Variants in LRCH1 observed in about 807,000 individuals in gnomAD.
The protein encoded by LRCH1 is leucine rich repeats and calponin homology domain containing 1, also known as leucine-rich repeat and calponin homology domain-containing protein 1.
A neutral mutation model predicts 94.9 loss-of-function variants in LRCH1; 23 were observed. That is an observed-to-expected ratio of 0.24 (90% CI 0.17 to 0.34). The LOEUF is 0.34. Among genes scored for constraint, LRCH1 ranks in the 10% least tolerant of loss-of-function variants. The probability of loss-of-function intolerance (pLI) is 1.00; values close to 1 mark genes in which losing one functional copy is unlikely to be tolerated. For synonymous variants in LRCH1, 364 were observed against 354.9 expected (o/e 1.03, Z -0.29); for missense variants, 790 against 945.9 (o/e 0.84, Z 2.16).
At chr13:46,605,048 A>G (rs2050672725) in intron 1 of LRCH1, among the ~76,000 whole-genome samples, 1 of 152,192 alleles carries the variant, frequency 6.6e-6, no homozygotes, top group African/African-American at 2.4e-5. Flanking sequence ...TGACCCATTA[A>G]TCCCTTTGTG....
intron 1 of LRCH1, among the ~76,000 whole-genome samples, chr13:46,569,217 T>TTAGC (rs1468768364): frequency 6.6e-6 from 1 of 152,222 alleles, no homozygotes; most frequent in African/African-American, 2.4e-5. Flanking sequence ...TGGAATGATG[T>TTAGC]TAGCTAATGG....
chr13:46,621,454 A>G (rs2138023908), intron 1 of LRCH1, among the ~76,000 whole-genome samples: 1 of 152,334 alleles, frequency 6.6e-6, no homozygotes, highest in Middle Eastern at 3.4e-3. Context: ...CTGGGGCAGC[A>G]GAAAACAAGA....
intron 2 of LRCH1, 31 bp downstream of exon 2, chr13:46,650,376 T>G (rs1398269822): frequency 3.9e-6 from 6 of 1,533,256 alleles, no homozygotes; most frequent in African/African-American, 2.8e-5. Context: ...GTAATCAAAT[T>G]CAGTGAAAGA....
intron 1 of LRCH1, among the ~76,000 whole-genome samples, chr13:46,600,654 C>CACACACACACACACACAG (rs138619869): frequency 6.6e-6 from 1 of 151,158 alleles, no homozygotes; most frequent in Non-Finnish European, 1.5e-5. Context: ...CACACACACA[C>CACACACACACACACACAG]AGAACCTGAA....
Position 46,742,708 on chromosome 13 carries a change from A to G in LRCH1, c.*860A>G, listed in dbSNP as rs1271292773. The G allele has an allele frequency of 5.1e-6, 5 of 985,294 alleles. No homozygotes were observed. Among genetic ancestry groups the G allele is most frequent in the Non-Finnish European group, 6.0e-6 (5 of 829,932 alleles). 61.0% of individuals were successfully genotyped at this position (985,294 alleles called of 1,614,324 possible). On this transcript the variant is annotated 3_prime_UTR_variant, in exon 20 of 20. Transcript: ENST00000389797. ...GATCACTGCTTTTTTGCCACATCAC[A>G]TAGTAACTGCCGGTCCAGAATGTGA... is the stretch of plus-strand genomic sequence containing the variant.
At chr13:46,718,506 C>A (rs1347964101) in intron 16 of LRCH1, among the ~76,000 whole-genome samples, 1 of 152,178 alleles carries the variant, frequency 6.6e-6, no homozygotes, top group Non-Finnish European at 1.5e-5. Flanking sequence ...AGCATTGAGT[C>A]TAAGCACTGG....
At chr13:46,582,149 CAA>C (rs11387752) in intron 1 of LRCH1, among the ~76,000 whole-genome samples, 2 of 104,592 alleles carry the variant, frequency 1.9e-5, no homozygotes. Flanking sequence ...GACTCCATCT[CAA>C]AAAAAAAAAA....
At chr13:46,626,942 A>C (rs2050957823) in intron 1 of LRCH1, among the ~76,000 whole-genome samples, 1 of 152,164 alleles carries the variant, frequency 6.6e-6, no homozygotes, top group African/African-American at 2.4e-5. Context: ...AGGTAGTGTT[A>C]ATTTCCTTTA....
chr13:46,745,614 T>A (rs1873879000), downstream of LRCH1, among the ~76,000 whole-genome samples: 1 of 152,034 alleles, frequency 6.6e-6, no homozygotes, highest in South Asian at 2.1e-4. Flanking sequence ...CAACAAGAAA[T>A]CTCTGTAAGA....
chr13:46,626,288 C>T (rs2050948627), intron 1 of LRCH1, among the ~76,000 whole-genome samples: 1 of 152,040 alleles, frequency 6.6e-6, no homozygotes, highest in Admixed American at 6.6e-5. Flanking sequence ...GTGTCAGACC[C>T]CGAGCCCAAG....
chr13:46,581,270 C>G (rs1362487474), intron 1 of LRCH1, among the ~76,000 whole-genome samples: 7 of 152,180 alleles, frequency 4.6e-5, no homozygotes, highest in Admixed American at 4.6e-4. Flanking sequence ...CCTCAGCCCC[C>G]TAGACCTCTG....
chr13:46,721,929 A>G (rs1478792068), intron 16 of LRCH1, among the ~76,000 whole-genome samples: 2 of 152,240 alleles, frequency 1.3e-5, no homozygotes, highest in Non-Finnish European at 2.9e-5. Context: ...TGAGAAGGAG[A>G]ATGCATGTTC....
intron 8 of LRCH1, among the ~76,000 whole-genome samples, chr13:46,694,408 G>T (rs1871067964): frequency 6.6e-6 from 1 of 152,118 alleles, no homozygotes; most frequent in Non-Finnish European, 1.5e-5. Flanking sequence ...ATGATTTGGG[G>T]CTCTTGCCTA....
intron 2 of LRCH1, among the ~76,000 whole-genome samples, chr13:46,666,054 G>T (rs1251852326): frequency 6.6e-6 from 1 of 152,168 alleles, no homozygotes; most frequent in Non-Finnish European, 1.5e-5. Context: ...TGAAGTAGAG[G>T]CTGAGGGAGC....
chr13:46,681,510 C>T (rs897181975), intron 3 of LRCH1, among the ~76,000 whole-genome samples: 2 of 152,072 alleles, frequency 1.3e-5, no homozygotes, highest in African/African-American at 2.4e-5. Context: ...AAGCAGCTGG[C>T]GAATGCTACT....
chr13:46,620,355 C>T (rs375298043), intron 1 of LRCH1, among the ~76,000 whole-genome samples: 1 of 151,118 alleles, frequency 6.6e-6, no homozygotes, highest in African/African-American at 2.4e-5. Context: ...ACAGTAAGAA[C>T]CTGTCTCAAA....
intron 1 of LRCH1, among the ~76,000 whole-genome samples, chr13:46,568,459 TG>T (rs2050208768): frequency 6.6e-6 from 1 of 152,248 alleles, no homozygotes; most frequent in Non-Finnish European, 1.5e-5. Context: ...CAGGTTATCC[TG>T]GTCATTTCAC....
intron 1 of LRCH1, among the ~76,000 whole-genome samples, chr13:46,644,596 A>C (rs74076767): frequency 0.085 from 12,936 of 152,272 alleles, 661 homozygotes; most frequent in Middle Eastern, 0.16. Context: ...TAGCCAGTGA[A>C]AGTGTCTAAG....
Position 46,648,618 on chromosome 13 carries a change from G to A in LRCH1, c.308-1583G>A, listed in dbSNP as rs185480595. Among the ~76,000 whole-genome samples, 272 of 152,150 alleles carry A rather than the reference G, an allele frequency of 1.8e-3. 2 individuals carry two copies. The highest frequency in any genetic ancestry group is 2.3e-3 in the Non-Finnish European group (154 of 67,996). On this transcript the variant is annotated intron_variant, in intron 1 of 19. Coordinates refer to ENST00000389797, the MANE Select transcript of LRCH1 (RefSeq NM_001164211.2). ...CCCCAACAGTTTTTTTAAAATTCTG[G>A]AAGTATTTTTTTGTTTAAATTGGAA...
Sources: allele counts gnomAD v4.1 joint callset (sites outside exome capture counted in the v4.1 genomes callset), GRCh38; gene constraint gnomAD v4.1.1; transcripts MANE v1.5; gene names NCBI Gene and HGNC (gene_info 2026-07-23, HGNC 2026-07-21).